The following GPC3 variants were observed in gnomAD, a reference collection of about 807,000 sequenced individuals.
GPC3 encodes the protein glypican 3.
In GPC3, 3 loss-of-function variants were observed where a neutral mutation model predicts 34.4. The ratio of observed to expected loss-of-function variants is 0.09; its 90% CI spans 0.04 to 0.23. The LOEUF (loss-of-function observed/expected upper bound fraction) is 0.23. GPC3 is among the 10% of genes least tolerant of loss of function. The probability of loss-of-function intolerance (pLI) is 1.00; values close to 1 mark genes in which losing one functional copy is unlikely to be tolerated. For missense variants in GPC3, 351 were observed against 445.6 expected (o/e 0.79, Z 1.91); for synonymous variants, 177 against 174.0 (o/e 1.02, Z -0.13).
chrX:133,799,843 T>C (rs904546342), intron 2 of GPC3, among the ~76,000 whole-genome samples: 1 of 111,391 alleles, frequency 9.0e-6, no homozygotes, highest in Non-Finnish European at 1.9e-5. Context: ...GTCTAAAAGG[T>C]CAAAGTCTGA....
At chrX:133,960,476 T>C (rs1178975257) in intron 1 of GPC3, among the ~76,000 whole-genome samples, 1 of 111,895 alleles carries the variant, frequency 8.9e-6, no homozygotes, top group Non-Finnish European at 1.9e-5. Context: ...TTTTAGTTAA[T>C]AACTACAAAT....
intron 2 of GPC3, among the ~76,000 whole-genome samples, chrX:133,766,391 G>A (rs2071845729): frequency 8.9e-6 from 1 of 111,924 alleles, no homozygotes; most frequent in South Asian, 3.8e-4. Context: ...GCTATAGCCA[G>A]CTGTGATAAA....
At position 133,985,129 on chromosome X, in the gene GPC3, G is replaced by C. The variant is rs2076560743; in HGVS notation, c.175+146C>G. 4 of 578,589 alleles carry C rather than the reference G, an allele frequency of 6.9e-6. No homozygotes were observed. In the Admixed American group the frequency reaches 1.1e-4, roughly 16 times the overall value. The allele number at this position is 578,589 out of a possible 1,213,427, so 47.7% of individuals were successfully genotyped here. ...CTCCCTCCCTCAGTAGACCCAGCCA[G>C]GCCCCAGGCACACCGACCACTCCCA... On this transcript the variant is annotated intron_variant, in intron 1 of 7. Coordinates refer to ENST00000370818, the MANE Select transcript of GPC3 (RefSeq NM_004484.4).
At position 133,754,180 on chromosome X, in the gene GPC3, T is replaced by TAA. The variant is rs370737647; in HGVS notation, c.338-6_338-5dup. On this transcript the variant is annotated splice_region_variant and splice_polypyrimidine_tract_variant and intron_variant, in intron 2 of 7. Coordinates refer to ENST00000370818, the MANE Select transcript of GPC3 (RefSeq NM_004484.4). ...CGAACAACAATTTCAAAGGCCTCTG[T>TAA]AAAAAAAAAAAAAAAAGAGACACAA... 2,062 of 934,597 alleles carry TAA rather than the reference T, an allele frequency of 2.2e-3. No individual in the cohort carries two copies. The highest frequency in any genetic ancestry group is 2.5e-3 in the Non-Finnish European group (1,749 of 686,702). 77.0% of individuals were successfully genotyped at this position (934,597 alleles called of 1,213,427 possible). A position where few individuals can be genotyped will look rare whatever the true frequency, so the allele number is the denominator to read the frequency against.
At chrX:133,621,353 C>T (rs969136863) in intron 6 of GPC3, among the ~76,000 whole-genome samples, 3 of 111,825 alleles carry the variant, frequency 2.7e-5, no homozygotes, top group Non-Finnish European at 1.9e-5. Context: ...CAGGGCAGGG[C>T]ATCACCTCAC....
At chrX:133,542,352 A>T (rs1330310649) in intron 7 of GPC3, among the ~76,000 whole-genome samples, 6 of 111,255 alleles carry the variant, frequency 5.4e-5, no homozygotes, top group Non-Finnish European at 9.4e-5. Context: ...ATGGATAGGC[A>T]TGCACAGGGG....
At chrX:133,662,037 A>G (rs1019955256) in intron 5 of GPC3, among the ~76,000 whole-genome samples, 187 bp from the exon 6 acceptor site, 1 of 111,115 alleles carries the variant, frequency 9.0e-6, no homozygotes, top group African/African-American at 3.3e-5. Flanking sequence ...ATCAACAAAT[A>G]TATACAACAT....
intron 3 of GPC3, among the ~76,000 whole-genome samples, chrX:133,739,710 A>G (rs759116537): frequency 1.3e-3 from 147 of 109,863 alleles, no homozygotes; most frequent in African/African-American, 4.8e-3. Context: ...CAAAAACAAA[A>G]CAAAACAAAA....
At chrX:133,938,690 A>G (rs2076332474) in intron 2 of GPC3, among the ~76,000 whole-genome samples, 1 of 112,267 alleles carries the variant, frequency 8.9e-6, no homozygotes. Flanking sequence ...TAATTTTTAC[A>G]AAATATTTAC....
At chrX:133,702,534 C>A (rs2071176077) in intron 3 of GPC3, among the ~76,000 whole-genome samples, 1 of 111,235 alleles carries the variant, frequency 9.0e-6, no homozygotes. Flanking sequence ...GAAAGTCAGC[C>A]CTTTGTATCA....
chrX:133,548,515 G>A (rs1487674570), intron 7 of GPC3, among the ~76,000 whole-genome samples: 1 of 111,980 alleles, frequency 8.9e-6, no homozygotes, highest in Non-Finnish European at 1.9e-5. Flanking sequence ...ATAGCCAAGG[G>A]GTCAAAATGG....
At chrX:133,582,923 G>T (rs1466473639) in intron 7 of GPC3, among the ~76,000 whole-genome samples, 2 of 111,221 alleles carry the variant, frequency 1.8e-5, no homozygotes, top group Non-Finnish European at 3.8e-5. Flanking sequence ...CTAACATGGG[G>T]CAGGACGGCC....
At chrX:133,663,705 G>A (rs1331947102) in intron 5 of GPC3, among the ~76,000 whole-genome samples, 2 of 111,449 alleles carry the variant, frequency 1.8e-5, no homozygotes, top group Non-Finnish European at 3.8e-5. Flanking sequence ...CTCTCACTGG[G>A]TTCCCAAACC....
intron 2 of GPC3, among the ~76,000 whole-genome samples, chrX:133,863,765 C>T (rs902979514): frequency 1.6e-3 from 161 of 100,809 alleles, no homozygotes; most frequent in African/African-American, 6.2e-3. Flanking sequence ...ACGCCATTCT[C>T]CTGCCTCAGC....
chrX:133,953,624 C>T (rs1475675223), intron 1 of GPC3, among the ~76,000 whole-genome samples: 3 of 111,937 alleles, frequency 2.7e-5, no homozygotes, highest in Non-Finnish European at 5.6e-5. Flanking sequence ...TTTCAAAATT[C>T]CAGTTATGAT....
chrX:133,584,929 CCAA>C (rs2069771841), intron 7 of GPC3, among the ~76,000 whole-genome samples: 1 of 25,278 alleles, frequency 4.0e-5, no homozygotes. Context: ...TTATAAAAAG[CCAA>C]AAAAAAAAAA....
intron 3 of GPC3, among the ~76,000 whole-genome samples, chrX:133,736,592 A>C (rs2071513133): frequency 8.9e-6 from 1 of 112,408 alleles, no homozygotes; most frequent in African/African-American, 3.2e-5. Context: ...AACCTTGAAA[A>C]CATGCTAACT....
intron 6 of GPC3, among the ~76,000 whole-genome samples, chrX:133,614,178 T>C (rs985257600): frequency 9.0e-6 from 1 of 110,673 alleles, no homozygotes; most frequent in African/African-American, 3.3e-5. Flanking sequence ...GAGAGAGAAA[T>C]AGGAAGAAAG....
At chrX:133,723,192 C>T (rs2071384647) in intron 3 of GPC3, among the ~76,000 whole-genome samples, 1 of 111,408 alleles carries the variant, frequency 9.0e-6, no homozygotes, top group Non-Finnish European at 1.9e-5. Flanking sequence ...ACTGGCTTTC[C>T]CCTGTTGCCT....
Sources: allele counts gnomAD v4.1 joint callset (sites outside exome capture counted in the v4.1 genomes callset), GRCh38; gene constraint gnomAD v4.1.1; transcripts MANE v1.5; gene names NCBI Gene and HGNC (gene_info 2026-07-23, HGNC 2026-07-21).